SLC18A2: variants seen among roughly 807,000 people sequenced by gnomAD.
SLC18A2 encodes synaptic vesicular amine transporter.
In SLC18A2, 33 loss-of-function variants were observed where a neutral mutation model predicts 59.2. The ratio of observed to expected loss-of-function variants is 0.56; its 90% confidence interval spans 0.42 to 0.75. The LOEUF (loss-of-function observed/expected upper bound fraction) is 0.75. Among genes scored for constraint, SLC18A2 ranks in the 30% least tolerant of loss-of-function variants. SLC18A2 has a pLI of 0.00. For synonymous variants in SLC18A2, 228 were observed against 253.5 expected, an observed-to-expected ratio of 0.90 and a Z score of 0.95; for missense variants, 569 against 668.6, an observed-to-expected ratio of 0.85 and a Z score of 1.64.
At position 117,278,491 on chromosome 10, in the gene SLC18A2, C is replaced by A. The variant is rs1174299449; in HGVS notation, c.*1225C>A. The A allele has an allele frequency of 6.6e-6, 1 of 152,174 alleles. No homozygotes were observed. Among genetic ancestry groups the A allele is most frequent in the East Asian group, 1.9e-4 (1 of 5,198 alleles). The allele number at this position is 152,174 out of a possible 1,614,324, so 9.4% of individuals were successfully genotyped here. ...ACATTGATGTGCCTTTTCAGTGTAA[C>A]AGCAAATACTGTTAGTGAACATTGT... On this transcript the variant is annotated 3_prime_UTR_variant, in exon 16 of 16. Transcript: ENST00000644641.
Position 117,270,450 on chromosome 10 carries a change from A to G in SLC18A2, c.1427A>G (p.Lys476Arg), listed in dbSNP as rs1844412289. The G allele has an allele frequency of 1.2e-6, 2 of 1,613,692 alleles. No individual in the cohort carries two copies. The highest frequency in any genetic ancestry group is 2.2e-5 in the South Asian group (2 of 90,840). Reference protein sequence around the residue: ...LCFFLRSPPAKEEKMAILMDH... With the variant: ...LCFFLRSPPAREEKMAILMDH... ...TTTTTTCTTCGAAGTCCACCTGCCAAAGAAGAAAAAATGGTAAGAAAAATT... is the reference window on the plus strand; with the variant it reads ...TTTTTTCTTCGAAGTCCACCTGCCAGAGAAGAAAAAATGGTAAGAAAAATT... Residue 476 changes from lysine to arginine, a missense_variant, in exon 15 of 16, where the codon AAA (lysine) becomes AGA (arginine). By Grantham distance (26) the Lys-to-Arg change is conservative. This residue lies in a region of SLC18A2 where 192 missense variants were observed against 278.8 expected (regional missense o/e 0.69). Coordinates refer to ENST00000644641, the MANE Select transcript of SLC18A2 (RefSeq NM_003054.6).
At chr10:117,243,858 T>C in intron 2 of SLC18A2, 113 bp from the exon 3 acceptor site, 1 of 800,958 alleles carries the variant, frequency 1.2e-6, no homozygotes, top group East Asian at 2.7e-5. Context: ...AGTCCTGGAA[T>C]TACAGGTGTG....
At chr10:117,268,275 A>G (rs556113444) in intron 13 of SLC18A2, 1 of 153,294 alleles carries the variant, frequency 6.5e-6, no homozygotes, top group South Asian at 2.0e-4. Flanking sequence ...TTTATAATAT[A>G]CCAATTGATC....
intron 3 of SLC18A2, among the ~76,000 whole-genome samples, chr10:117,251,423 A>C (rs1844161707): frequency 6.6e-6 from 1 of 152,134 alleles, no homozygotes; most frequent in Non-Finnish European, 1.5e-5. Flanking sequence ...GTGGGCTGAG[A>C]CAGAAGAAGC....
At chr10:117,263,727 C>T (rs1844319241) in intron 10 of SLC18A2, among the ~76,000 whole-genome samples, 1 of 152,182 alleles carries the variant, frequency 6.6e-6, no homozygotes, top group African/African-American at 2.4e-5. Context: ...GGCCTACAAG[C>T]CCCCAAAGGG....
chr10:117,255,745 C>T lies in SLC18A2; in HGVS notation c.895+88C>T, dbSNP rs1487723112. On this transcript the variant is annotated intron_variant, in intron 9 of 15. Transcript: ENST00000644641. ...GGGGTGGATGGCCAGGGCTGATTTT[C>T]GTTTTGCTGCTAGAAATGTTGGGCT... 7 of 1,168,566 alleles carry T rather than the reference C, an allele frequency of 6.0e-6. No homozygotes were observed. The Admixed American group carries it at 6.6e-5, about 11-fold the overall frequency. The allele number at this position is 1,168,566 out of a possible 1,614,324, so 72.4% of individuals were successfully genotyped here.
At chr10:117,241,303 C>G (rs1232659415) in intron 1 of SLC18A2, 83 bp downstream of exon 1, 2 of 170,472 alleles carry the variant, frequency 1.2e-5, no homozygotes, top group African/African-American at 4.8e-5. Flanking sequence ...CAGGGAGGCC[C>G]CCAGAGCTAC....
At chr10:117,256,207 A>G (rs1844228333) in intron 9 of SLC18A2, among the ~76,000 whole-genome samples, 1 of 152,202 alleles carries the variant, frequency 6.6e-6, no homozygotes, top group Non-Finnish European at 1.5e-5. Flanking sequence ...TAGAGGGGCT[A>G]AAAGAAAGCA....
chr10:117,274,455 A>G (rs1407126747), intron 15 of SLC18A2, among the ~76,000 whole-genome samples: 1 of 152,112 alleles, frequency 6.6e-6, no homozygotes, highest in African/African-American at 2.4e-5. Context: ...ATTCAGGTCT[A>G]ATGTGGATGA....
At position 117,277,390 on chromosome 10, in the gene SLC18A2, T is replaced by C; in HGVS notation, c.*124T>C. Reference sequence around the variant, plus strand: ...CTGGTGAAAGAGTAAAACCAAAGGTTATTATTTCCTTTCCATGGTTATGGT... The same window carrying C: ...CTGGTGAAAGAGTAAAACCAAAGGTCATTATTTCCTTTCCATGGTTATGGT... On this transcript the variant is annotated 3_prime_UTR_variant, in exon 16 of 16. Transcript: ENST00000644641. The C allele has an allele frequency of 1.9e-6, 1 of 532,718 alleles. No individual in the cohort carries two copies. The highest frequency in any genetic ancestry group is 3.2e-6 in the Non-Finnish European group (1 of 311,190). 33.0% of individuals were successfully genotyped at this position (532,718 alleles called of 1,614,324 possible). A position where few individuals can be genotyped will look rare whatever the true frequency, so the allele number is the denominator to read the frequency against.
At chr10:117,256,933 T>C (rs942949430) in intron 9 of SLC18A2, among the ~76,000 whole-genome samples, 2 of 152,170 alleles carry the variant, frequency 1.3e-5, no homozygotes, top group African/African-American at 4.8e-5. Context: ...ACAAAGATGC[T>C]ACCCAGCACT....
chr10:117,254,575 A>G, intron 6 of SLC18A2, 78 bp downstream of exon 6: 2 of 998,806 alleles, frequency 2.0e-6, no homozygotes, highest in East Asian at 2.6e-5. Flanking sequence ...TCGCCCAGTG[A>G]CCCTGGCGCA....
chr10:117,251,989 C>T (rs1392661100), intron 3 of SLC18A2, among the ~76,000 whole-genome samples: 8 of 151,930 alleles, frequency 5.3e-5, no homozygotes, highest in South Asian at 2.1e-4. Flanking sequence ...GACAGAATCT[C>T]GCTCTGTCAC....
intron 9 of SLC18A2, among the ~76,000 whole-genome samples, chr10:117,256,458 T>C (rs1400339528): frequency 6.6e-6 from 1 of 152,168 alleles, no homozygotes; most frequent in Non-Finnish European, 1.5e-5. Context: ...GCCTGCACTG[T>C]AGCACTAGAC....
At chr10:117,274,468 C>G (rs1454441508) in intron 15 of SLC18A2, among the ~76,000 whole-genome samples, 3 of 152,054 alleles carry the variant, frequency 2.0e-5, no homozygotes, top group African/African-American at 4.8e-5. Context: ...GTGGATGAGC[C>G]AAGAGATGGA....
At chr10:117,241,641 C>T (rs1206523034) in intron 1 of SLC18A2, 38 bp from the exon 2 acceptor site, 17 of 1,508,488 alleles carry the variant, frequency 1.1e-5, no homozygotes, top group South Asian at 2.5e-5. Context: ...GGGGGGTCCA[C>T]GGCCGCCTTG....
chr10:117,246,401 C>G (rs2133727506), intron 3 of SLC18A2, among the ~76,000 whole-genome samples: 1 of 152,262 alleles, frequency 6.6e-6, no homozygotes, highest in South Asian at 2.1e-4. Flanking sequence ...TGTTTAAAAC[C>G]AGTGAGCTCT....
chr10:117,267,583 G>T, intron 12 of SLC18A2, 90 bp from the exon 13 acceptor site: 2 of 959,996 alleles, frequency 2.1e-6, no homozygotes, highest in Non-Finnish European at 3.1e-6. Context: ...GGCATACCAC[G>T]CTCAGAGAAA....
chr10:117,253,775 G>A (rs1379301766), intron 4 of SLC18A2, among the ~76,000 whole-genome samples: 1 of 152,210 alleles, frequency 6.6e-6, no homozygotes, highest in Non-Finnish European at 1.5e-5. Flanking sequence ...GAACCTGGAA[G>A]ACGGAGGTTG....
Sources: allele counts gnomAD v4.1 joint callset (sites outside exome capture counted in the v4.1 genomes callset), GRCh38; gene constraint gnomAD v4.1.1; regional missense constraint gnomAD v4.1.1; transcripts MANE v1.5; gene names NCBI Gene and HGNC (gene_info 2026-07-23, HGNC 2026-07-21).